DPP9: variants seen among roughly 807,000 people sequenced by gnomAD.
DPP9 encodes dipeptidyl peptidase IV-related protein-2.
Under a neutral mutation model 110.7 loss-of-function variants are expected in DPP9, and 50 were observed. That is an observed-to-expected ratio of 0.45 (90% confidence interval 0.36 to 0.57). The LOEUF (loss-of-function observed/expected upper bound fraction) is 0.57, where lower values mean the gene tolerates loss of function less well. Ranked by LOEUF, DPP9 falls within the 20% of genes least tolerant of loss-of-function variation. DPP9 has a pLI of 0.00. For missense variants in DPP9, 1,022 were observed against 1,217.9 expected, an observed-to-expected ratio of 0.84 and a Z score of 2.39; for synonymous variants, 561 against 514.4, an observed-to-expected ratio of 1.09 and a Z score of -1.23.
chr19:4,677,403 G>C (rs993191554), intron 21 of DPP9, among the ~76,000 whole-genome samples: 4 of 152,146 alleles, frequency 2.6e-5, no homozygotes, highest in African/African-American at 9.7e-5. Flanking sequence ...GGCAGCAGGG[G>C]CAGGTGGCCC....
At chr19:4,707,243 G>A (rs1261372101) in intron 4 of DPP9, among the ~76,000 whole-genome samples, 1 of 152,158 alleles carries the variant, frequency 6.6e-6, no homozygotes, top group East Asian at 1.9e-4. Flanking sequence ...CTTGGGATGG[G>A]TCTTACTGCG....
chr19:4,688,830 G>A lies in DPP9; in HGVS notation c.1812C>T (p.Tyr604=). 6.6e-7 allele frequency: 1 copy of A among 1,508,314 alleles called. No individual in the cohort carries two copies. Among genetic ancestry groups the A allele is most frequent in the East Asian group, 2.7e-5 (1 of 37,232 alleles). 93.4% of individuals were successfully genotyped at this position (1,508,314 alleles called of 1,614,324 possible). Residue 604 remains tyrosine (Y), a synonymous_variant, in exon 16 of 22, where the codon TAC becomes TAT. Coordinates refer to ENST00000262960, the MANE Select transcript of DPP9 (RefSeq NM_139159.5). ...GGTCGTCGTCGGGGCCGCTCAGCTTGTAGACGTGCACGCAGGGCGGCGTGC... is the reference window on the plus strand; with the variant it reads ...GGTCGTCGTCGGGGCCGCTCAGCTTATAGACGTGCACGCAGGGCGGCGTGC... ...SVSTPPCVHV[Y]KLSGPDDDPL... is the part of the protein sequence containing the mutation.
intron 16 of DPP9, 176 bp downstream of exon 16, chr19:4,688,580 AG>A: frequency 1.3e-6 from 1 of 793,448 alleles, no homozygotes; most frequent in Non-Finnish European, 1.8e-6. Context: ...CTCGGACGGC[AG>A]GGGCTGTGGC....
At chr19:4,677,340 A>G (rs1205442523) in intron 21 of DPP9, among the ~76,000 whole-genome samples, 4 of 152,090 alleles carry the variant, frequency 2.6e-5, no homozygotes, top group African/African-American at 9.7e-5. Context: ...GGTTGGTAGG[A>G]CCAAGGCATG....
intron 10 of DPP9, among the ~76,000 whole-genome samples, chr19:4,699,158 C>CAAAAAAAAAA (rs144927941): frequency 5.9e-5 from 3 of 50,904 alleles, no homozygotes; most frequent in Non-Finnish European, 7.9e-5. Flanking sequence ...GACTCCACCT[C>CAAAAAAAAAA]AAAAAAAAAA....
chr19:4,683,413 G>A lies in DPP9; in HGVS notation c.2331+64C>T, dbSNP rs765121044. The A allele has an allele frequency of 3.5e-4, 560 of 1,600,054 alleles. 1 individual carries two copies. The highest frequency in any genetic ancestry group is 2.2e-3 in the Admixed American group (130 of 59,284). On this transcript the variant is annotated intron_variant, in intron 19 of 21. Transcript: ENST00000262960. ...CGGGTGGCGCGGGCGGTGGGCAAACGCGGCGTAGATGGGGAAGGGGGCAGG... is the reference window on the plus strand; with the variant it reads ...CGGGTGGCGCGGGCGGTGGGCAAACACGGCGTAGATGGGGAAGGGGGCAGG...
intron 11 of DPP9, 105 bp downstream of exon 11, chr19:4,697,446 G>T (rs2091897013): frequency 1.1e-6 from 1 of 945,800 alleles, no homozygotes. Flanking sequence ...GAAGACGTGA[G>T]CAGATGGAAG....
chr19:4,716,716 C>G (rs1445834297), intron 3 of DPP9, among the ~76,000 whole-genome samples: 4 of 151,984 alleles, frequency 2.6e-5, no homozygotes, highest in African/African-American at 4.8e-5. Flanking sequence ...GGGCTTGTGA[C>G]AGCCCATTCT....
At chr19:4,677,758 G>A (rs937647479) in intron 21 of DPP9, among the ~76,000 whole-genome samples, 2 of 152,166 alleles carry the variant, frequency 1.3e-5, no homozygotes, top group African/African-American at 4.8e-5. Flanking sequence ...CACATGTTGT[G>A]CCCATGCCTT....
chr19:4,706,749 G>A (rs1342507187), intron 4 of DPP9, among the ~76,000 whole-genome samples: 1 of 152,260 alleles, frequency 6.6e-6, no homozygotes, highest in Non-Finnish European at 1.5e-5. Flanking sequence ...CTGGGAGGCA[G>A]AGGTTGCAGT....
Position 4,703,922 on chromosome 19 carries a change from T to C in DPP9, c.733A>G (p.Thr245Ala). 6.2e-7 allele frequency: 1 copy of C among 1,612,388 alleles called. No individual in the cohort carries two copies. The highest frequency in any genetic ancestry group is 8.5e-7 in the Non-Finnish European group (1 of 1,179,284). Residue 245 changes from threonine to alanine, a missense_variant, in exon 7 of 22, where the codon ACA (threonine) becomes GCA (alanine). By Grantham distance (58) the Thr-to-Ala change is moderately conservative. Transcript: ENST00000262960. Reference protein sequence around the residue: ...NSDLWVANIETGEERRLTFCH... With the variant: ...NSDLWVANIEAGEERRLTFCH... ...AAGGTCAGCCGCCGCTCCTCGCCTG[T>C]CTCGATGTTGGCCACCCACAGGTCG...
intron 7 of DPP9, among the ~76,000 whole-genome samples, 189 bp from the exon 8 acceptor site, chr19:4,702,905 C>T (rs1599920445): frequency 7.7e-6 from 1 of 130,030 alleles, no homozygotes; most frequent in East Asian, 2.5e-4. Flanking sequence ...CAGGGTTGCT[C>T]CACCCCACAC....
chr19:4,683,851 C>G (rs1439361683), intron 18 of DPP9: 2 of 1,526,016 alleles, frequency 1.3e-6, no homozygotes, highest in Admixed American at 3.9e-5. Context: ...GTGAGTGGCT[C>G]TGGGAGCCAC....
intron 7 of DPP9, among the ~76,000 whole-genome samples, chr19:4,703,236 G>GC (rs2092394414): frequency 6.6e-6 from 1 of 152,270 alleles, no homozygotes; most frequent in Non-Finnish European, 1.5e-5. Flanking sequence ...GGCTGGACAG[G>GC]CAGAGTGGAG....
At position 4,694,898 on chromosome 19, in the gene DPP9, A is replaced by G; in HGVS notation, c.1354-75T>C. ...CATGGTGGCTCACACCAGTAATCCCAGTAGTTTGGGAGGCTGGGGCAGGAG... is the reference window on the plus strand; with the variant it reads ...CATGGTGGCTCACACCAGTAATCCCGGTAGTTTGGGAGGCTGGGGCAGGAG... On this transcript the variant is annotated intron_variant, in intron 12 of 21. Coordinates refer to ENST00000262960, the MANE Select transcript of DPP9 (RefSeq NM_139159.5). The surrounding 1 kb of genome is among the most constrained non-coding windows in gnomAD (Gnocchi z 4.0). The G allele has an allele frequency of 6.7e-7, 1 of 1,503,248 alleles. No individual in the cohort carries two copies. The highest frequency in any genetic ancestry group is 9.1e-7 in the Non-Finnish European group (1 of 1,097,452). The allele number at this position is 1,503,248 out of a possible 1,614,324, so 93.1% of individuals were successfully genotyped here. A position where few individuals can be genotyped will look rare whatever the true frequency, so the allele number is the denominator to read the frequency against.
chr19:4,713,650 G>C (rs1330495074), intron 4 of DPP9, among the ~76,000 whole-genome samples: 1 of 152,226 alleles, frequency 6.6e-6, no homozygotes, highest in South Asian at 2.1e-4. Context: ...GCTCCTCCTG[G>C]AGTTACTCCC....
chr19:4,683,121 C>T (rs890574527), intron 19 of DPP9: 60 of 1,472,438 alleles, frequency 4.1e-5, no homozygotes, highest in Non-Finnish European at 4.9e-5. Flanking sequence ...TCCTCATCGC[C>T]GCCGCCCCGC....
chr19:4,679,797 G>T, intron 21 of DPP9, 38 bp downstream of exon 21: 2 of 1,473,468 alleles, frequency 1.4e-6, no homozygotes, highest in East Asian at 2.4e-5. Flanking sequence ...GGGATCTGTC[G>T]GCTCGCGGAG....
intron 4 of DPP9, among the ~76,000 whole-genome samples, chr19:4,707,252 C>T (rs1050609747): frequency 6.6e-6 from 1 of 152,126 alleles, no homozygotes; most frequent in Admixed American, 6.5e-5. Context: ...GGTCTTACTG[C>T]GGAAGGCGCA....
Sources: gnomAD v4.1 joint callset for allele counts (sites outside exome capture counted in the v4.1 genomes callset) on GRCh38, gnomAD v4.1.1 for gene constraint, Gnocchi (gnomAD v3.1) non-coding constraint, MANE v1.5 for transcripts, NCBI Gene and HGNC (gene_info 2026-07-23, HGNC 2026-07-21) for gene names.